SCN3A: variants seen among roughly 807,000 people sequenced by gnomAD.
SCN3A encodes the protein sodium channel protein type 3 subunit alpha.
A neutral mutation model predicts 187.6 loss-of-function variants in SCN3A; 60 were observed. That is an observed-to-expected ratio of 0.32 (90% CI 0.26 to 0.40). The LOEUF (loss-of-function observed/expected upper bound fraction) is 0.40. Ranked by LOEUF, SCN3A falls within the 10% of genes least tolerant of loss-of-function variation. SCN3A has a pLI of 1.00. For missense variants in SCN3A, 1,601 were observed against 2,428.2 expected, an observed-to-expected ratio of 0.66 and a Z score of 7.16; for synonymous variants, 788 against 829.2, an observed-to-expected ratio of 0.95 and a Z score of 0.85.
chr2:165,138,906 T>C (rs1041132190), intron 14 of SCN3A, among the ~76,000 whole-genome samples: 3 of 152,300 alleles, frequency 2.0e-5, no homozygotes, highest in African/African-American at 7.2e-5. Context: ...TGAACAAGTT[T>C]AGTGTATAAA....
chr2:165,132,023 C>A (rs1034790027), intron 15 of SCN3A, among the ~76,000 whole-genome samples: 2 of 151,748 alleles, frequency 1.3e-5, no homozygotes. Flanking sequence ...TGGGTTGGTT[C>A]CAAGTAATTG....
chr2:165,107,199 G>A (rs892022466), intron 21 of SCN3A, among the ~76,000 whole-genome samples: 10 of 152,140 alleles, frequency 6.6e-5, no homozygotes, highest in African/African-American at 2.4e-4. Context: ...ACCAGAATTA[G>A]AGATTAAAAG....
chr2:165,194,275 C>T (rs1691798745), intron 1 of SCN3A, among the ~76,000 whole-genome samples: 1 of 152,050 alleles, frequency 6.6e-6, no homozygotes, highest in Non-Finnish European at 1.5e-5. Flanking sequence ...GGGAAATTGA[C>T]CAGTTAATTT....
chr2:165,122,230 C>CTTTCTT, intron 18 of SCN3A, among the ~76,000 whole-genome samples: 1 of 113,918 alleles, frequency 8.8e-6, no homozygotes, highest in Non-Finnish European at 1.8e-5. Flanking sequence ...TTCTTTCTTT[C>CTTTCTT]TTTTTTTTCT....
chr2:165,176,009 G>T, intron 3 of SCN3A, 122 bp downstream of exon 3: 1 of 822,894 alleles, frequency 1.2e-6, no homozygotes, highest in Non-Finnish European at 1.9e-6. Context: ...AAGTGACAGT[G>T]AAGAGTATTA....
intron 1 of SCN3A, among the ~76,000 whole-genome samples, chr2:165,203,555 TA>T (rs1290666587): frequency 6.6e-6 from 1 of 152,020 alleles, no homozygotes; most frequent in Non-Finnish European, 1.5e-5. Context: ...TTTTTCTGAA[TA>T]CAATTAATCA....
At chr2:165,097,609 G>A in intron 22 of SCN3A, 85 bp from the exon 23 acceptor site, 3 of 1,519,134 alleles carry the variant, frequency 2.0e-6, no homozygotes, top group Non-Finnish European at 2.7e-6. Context: ...GTATTAATAT[G>A]TGCTTGAAAA....
At chr2:165,137,702 T>C (rs759063687) in intron 15 of SCN3A, among the ~76,000 whole-genome samples, 177 bp downstream of exon 15, 8 of 152,180 alleles carry the variant, frequency 5.3e-5, no homozygotes, top group Non-Finnish European at 1.2e-4. Context: ...TCAGCATTCA[T>C]ACCAGTTGAG....
chr2:165,139,325 C>T (rs1559220933), intron 14 of SCN3A, 151 bp downstream of exon 14: 13 of 1,063,186 alleles, frequency 1.2e-5, no homozygotes, highest in Non-Finnish European at 1.7e-5. Context: ...TTTTTGTAAT[C>T]AATGTGATAA....
At chr2:165,170,771 A>C (rs984212605) in intron 3 of SCN3A, among the ~76,000 whole-genome samples, 3 of 151,992 alleles carry the variant, frequency 2.0e-5, no homozygotes, top group Non-Finnish European at 4.4e-5. Flanking sequence ...TAAGGTTCCA[A>C]CTTGCTGATA....
In SCN3A at chr2:165,201,520, C is replaced by T. The variant is rs1190050616; in HGVS notation, c.-248+2303G>A. On this transcript the variant is annotated intron_variant, in intron 1 of 27. Coordinates refer to ENST00000283254, the MANE Select transcript of SCN3A (RefSeq NM_006922.4). ...GAGGAAGGAGGTTCGTAATCATGTT[C>T]CAGGATCTATACCAAGCACTGAACA... 2.6e-5 allele frequency among the ~76,000 whole-genome samples: 4 copies of T among 152,092 alleles called. No individual in the cohort carries two copies. The East Asian group carries it at 7.8e-4, about 29-fold the overall frequency.
chr2:165,123,823 A>G (rs1686831230), intron 18 of SCN3A, among the ~76,000 whole-genome samples: 1 of 152,158 alleles, frequency 6.6e-6, no homozygotes, highest in East Asian at 1.9e-4. Flanking sequence ...CTGCTCTATG[A>G]TATTAGAACA....
chr2:165,182,415 T>C (rs1690935745), intron 2 of SCN3A, among the ~76,000 whole-genome samples: 1 of 152,190 alleles, frequency 6.6e-6, no homozygotes. Flanking sequence ...GTTCATACTT[T>C]ATAGAGCTAA....
At chr2:165,131,174 A>C (rs1241025585) in intron 16 of SCN3A, 70 bp downstream of exon 16, 1 of 955,166 alleles carries the variant, frequency 1.0e-6, no homozygotes, top group Non-Finnish European at 1.5e-6. Context: ...TAATTATATA[A>C]ATATACATTG....
intron 18 of SCN3A, among the ~76,000 whole-genome samples, chr2:165,125,967 T>C (rs1686965598): frequency 6.6e-6 from 1 of 152,198 alleles, no homozygotes; most frequent in African/African-American, 2.4e-5. Context: ...TTTTTCAAAA[T>C]ATTTTCCAAC....
intron 18 of SCN3A, among the ~76,000 whole-genome samples, chr2:165,119,109 T>G (rs1369891558): frequency 3.3e-5 from 5 of 152,130 alleles, no homozygotes; most frequent in African/African-American, 1.2e-4. Flanking sequence ...TTTTGCCATA[T>G]TGCCCAGGCT....
chr2:165,189,717 C>G (rs760131736), intron 1 of SCN3A, among the ~76,000 whole-genome samples: 1 of 151,994 alleles, frequency 6.6e-6, no homozygotes, highest in Admixed American at 6.6e-5. Flanking sequence ...TTAGTTTATC[C>G]TGAAAATTTA....
At chr2:165,127,292 G>C (rs1687053606) in intron 18 of SCN3A, among the ~76,000 whole-genome samples, 2 of 151,828 alleles carry the variant, frequency 1.3e-5, no homozygotes, top group Admixed American at 1.3e-4. Context: ...GAACTCCTGG[G>C]CTCAAGTGAT....
intron 9 of SCN3A, among the ~76,000 whole-genome samples, chr2:165,156,502 G>C (rs1368975442): frequency 1.8e-5 from 2 of 110,700 alleles, no homozygotes; most frequent in African/African-American, 3.4e-5. Context: ...GACAGAGCGA[G>C]ACTCTGACTC....
Sources: allele counts gnomAD v4.1 joint callset (sites outside exome capture counted in the v4.1 genomes callset), GRCh38; gene constraint gnomAD v4.1.1; transcripts MANE v1.5; gene names NCBI Gene and HGNC (gene_info 2026-07-23, HGNC 2026-07-21).